The following ST7 variants were observed in gnomAD, a reference collection of about 807,000 sequenced individuals.
ST7 encodes the protein suppressor of tumorigenicity 7 protein.
ST7 carries 28 observed loss-of-function variants against 78.7 expected under a neutral mutation model. The observed-to-expected ratio is 0.36, with a 90% CI of 0.26 to 0.49. The LOEUF is 0.49. Ranked by LOEUF, ST7 falls within the 20% of genes least tolerant of loss-of-function variation. The probability of loss-of-function intolerance (pLI) is 0.99; values close to 1 mark genes in which losing one functional copy is unlikely to be tolerated. For missense variants in ST7, 418 were observed against 696.0 expected (o/e 0.60, Z 4.49); for synonymous variants, 247 against 249.6 (o/e 0.99, Z 0.10).
At chr7:117,005,991 T>G (rs1232911088) in intron 1 of ST7, among the ~76,000 whole-genome samples, 1 of 152,220 alleles carries the variant, frequency 6.6e-6, no homozygotes, top group African/African-American at 2.4e-5. Flanking sequence ...CCTGACACTT[T>G]ACCATTGACA....
At chr7:117,138,108 A>C (rs1243575642) in intron 8 of ST7, among the ~76,000 whole-genome samples, 1 of 152,228 alleles carries the variant, frequency 6.6e-6, no homozygotes, top group African/African-American at 2.4e-5. Flanking sequence ...TCACCTCTGC[A>C]TCTTTACCAA....
chr7:117,074,287 A>T (rs868107971), intron 1 of ST7, among the ~76,000 whole-genome samples: 2 of 152,264 alleles, frequency 1.3e-5, no homozygotes, highest in Admixed American at 6.5e-5. Context: ...CCTACTTTGG[A>T]GGTTGAGGCA....
intron 1 of ST7, among the ~76,000 whole-genome samples, chr7:117,096,207 A>G (rs1801030893): frequency 6.6e-6 from 1 of 151,834 alleles, no homozygotes; most frequent in South Asian, 2.1e-4. Flanking sequence ...AATAATTGCT[A>G]ATGACTTTGA....
chr7:117,085,120 G>A (rs1268891952), intron 1 of ST7, among the ~76,000 whole-genome samples: 5 of 152,100 alleles, frequency 3.3e-5, no homozygotes, highest in Admixed American at 6.6e-5. Context: ...AACACCAAAC[G>A]TCACTAGTGC....
At chr7:117,076,649 C>G (rs1799363498) in intron 1 of ST7, 1 of 152,412 alleles carries the variant, frequency 6.6e-6, no homozygotes, top group South Asian at 2.1e-4. Flanking sequence ...AGGGAGCACC[C>G]AGGTGAGTGG....
intron 9 of ST7, among the ~76,000 whole-genome samples, chr7:117,139,071 TTAG>T (rs1456332771): frequency 1.3e-5 from 2 of 152,134 alleles, no homozygotes; most frequent in African/African-American, 4.8e-5. Flanking sequence ...GGATTCTTTA[TTAG>T]TAGTCAAGAC....
chr7:117,201,814 T>A (rs1810885120), intron 12 of ST7, among the ~76,000 whole-genome samples: 1 of 151,940 alleles, frequency 6.6e-6, no homozygotes, highest in Non-Finnish European at 1.5e-5. Context: ...TTCTTATGTC[T>A]TGAGGCCATC....
intron 1 of ST7, among the ~76,000 whole-genome samples, chr7:117,035,749 T>C (rs569880359): frequency 6.6e-6 from 1 of 152,332 alleles, no homozygotes; most frequent in South Asian, 2.1e-4. Context: ...GTTAGGTTTA[T>C]AGAGTTAATT....
intron 4 of ST7, 61 bp from the exon 5 acceptor site, chr7:117,130,430 A>G (rs2117016693): frequency 1.6e-6 from 2 of 1,258,218 alleles, no homozygotes; most frequent in Admixed American, 4.0e-5. Context: ...GCAGCTTAAT[A>G]TTTTATAGGT....
At chr7:116,969,526 T>C (rs1231171219) in intron 1 of ST7, among the ~76,000 whole-genome samples, 4 of 152,158 alleles carry the variant, frequency 2.6e-5, no homozygotes, top group African/African-American at 7.2e-5. Flanking sequence ...GAGAGAGTGT[T>C]GATCAGGTTT....
At chr7:117,036,894 A>G (rs1796927093) in intron 1 of ST7, among the ~76,000 whole-genome samples, 1 of 152,186 alleles carries the variant, frequency 6.6e-6, no homozygotes, top group Non-Finnish European at 1.5e-5. Flanking sequence ...TAGGTGTGAT[A>G]ACAGTTTCAG....
At chr7:117,143,725 C>T (rs570434725) in intron 9 of ST7, among the ~76,000 whole-genome samples, 1 of 152,264 alleles carries the variant, frequency 6.6e-6, no homozygotes, top group East Asian at 1.9e-4. Flanking sequence ...GTACTCACCT[C>T]ACAGGGTAGA....
At chr7:116,993,357 A>T (rs1285797143) in intron 1 of ST7, among the ~76,000 whole-genome samples, 1 of 152,218 alleles carries the variant, frequency 6.6e-6, no homozygotes. Context: ...ACATGGCAGC[A>T]GAAAGAGAAA....
intron 1 of ST7, among the ~76,000 whole-genome samples, chr7:117,092,786 A>C (rs1285005756): frequency 6.6e-6 from 1 of 152,212 alleles, no homozygotes; most frequent in Non-Finnish European, 1.5e-5. Flanking sequence ...GCACATTTTC[A>C]GTAACTAAAT....
At chr7:117,158,657 G>A (rs893413396) in intron 9 of ST7, among the ~76,000 whole-genome samples, 1 of 152,122 alleles carries the variant, frequency 6.6e-6, no homozygotes, top group Non-Finnish European at 1.5e-5. Context: ...TTCTACTAGT[G>A]TATGTTTAGG....
chr7:117,114,391 T>C lies in ST7; in HGVS notation c.235-5170T>C, dbSNP rs569274624. Among the ~76,000 whole-genome samples, 6 of 151,910 alleles carry C rather than the reference T, an allele frequency of 3.9e-5. No homozygotes were observed. In the South Asian group the frequency reaches 1.2e-3, roughly 32 times the overall value. On this transcript the variant is annotated intron_variant, in intron 2 of 15. Transcript: ENST00000323984. ...CTGGGTTTATCTTCTTAAGCCCAGA[T>C]AATCCCTTTTGCCAAAAAAAAAAAA...
At chr7:116,987,249 G>T (rs1381131000) in intron 1 of ST7, among the ~76,000 whole-genome samples, 1 of 152,188 alleles carries the variant, frequency 6.6e-6, no homozygotes, top group Admixed American at 6.5e-5. Flanking sequence ...CCATCAAAAT[G>T]GGCTGGGTAT....
chr7:116,966,176 A>G, intron 1 of ST7: 1 of 404,598 alleles, frequency 2.5e-6, no homozygotes. Flanking sequence ...TATCTTTTTT[A>G]GTGGATTACA....
chr7:117,059,621 A>G (rs1451732672), intron 1 of ST7, among the ~76,000 whole-genome samples: 1 of 151,880 alleles, frequency 6.6e-6, no homozygotes, highest in African/African-American at 2.4e-5. Context: ...TCCCTCAGAG[A>G]CTATATTTCA....
Sources: gnomAD v4.1 joint callset for allele counts (sites outside exome capture counted in the v4.1 genomes callset) on GRCh38, gnomAD v4.1.1 for gene constraint, MANE v1.5 for transcripts, NCBI Gene and HGNC (gene_info 2026-07-23, HGNC 2026-07-21) for gene names.